Variants in CADPS2 observed in about 807,000 individuals in gnomAD.
CADPS2 encodes the protein calcium dependent secretion activator 2, also known as calcium-dependent secretion activator 2.
A neutral mutation model predicts 172.5 loss-of-function variants in CADPS2; 93 were observed. That is an observed-to-expected ratio of 0.54 (90% CI 0.46 to 0.64). CADPS2 has a LOEUF of 0.64. CADPS2 is among the 30% of genes least tolerant of loss of function. The pLI, the probability that CADPS2 is intolerant of heterozygous loss-of-function variation, is 0.00. For synonymous variants in CADPS2, 546 were observed against 555.2 expected, an observed-to-expected ratio of 0.98 and a Z score of 0.23; for missense variants, 1,420 against 1,565.9, an observed-to-expected ratio of 0.91 and a Z score of 1.57.
chr7:122,320,113 T>A lies in CADPS2; in HGVS notation c.*52A>T, dbSNP rs2032082670. 4 of 1,408,066 alleles carry A rather than the reference T, an allele frequency of 2.8e-6. No homozygotes were observed. Among genetic ancestry groups the A allele is most frequent in the East Asian group, 2.6e-5 (1 of 38,830 alleles). 87.2% of individuals were successfully genotyped at this position (1,408,066 alleles called of 1,614,324 possible). On this transcript the variant is annotated 3_prime_UTR_variant, in exon 30 of 30. Coordinates refer to ENST00000449022, the MANE Select transcript of CADPS2 (RefSeq NM_017954.11). ...AATTACAAGGACAAGGTTAAAAAAA[T>A]AAAAAACAATGTCGATCAAGGTCTT... is the stretch of plus-strand genomic sequence containing the variant.
intron 5 of CADPS2, 67 bp downstream of exon 5, chr7:122,621,414 G>A: frequency 9.6e-7 from 1 of 1,038,844 alleles, no homozygotes. Flanking sequence ...TACTGCAAAG[G>A]TCAACAGAAA....
In CADPS2 at chr7:122,469,352, CCTT is replaced by C. The variant is rs1443440969; in HGVS notation, c.2186+2020_2186+2022del. Among the ~76,000 whole-genome samples, 7 of 152,228 alleles carry C rather than the reference CCTT, an allele frequency of 4.6e-5. No homozygotes were observed. In the East Asian group the frequency reaches 1.4e-3, roughly 29 times the overall value. ...TTTGGGTTTGTTTGTTTCACTGAAA[CCTT>C]CTCATCCTCTTGCATTTTAGAGGTC... On this transcript the variant is annotated intron_variant, in intron 14 of 29. Transcript: ENST00000449022.
At chr7:122,736,672 A>G (rs950099266) in intron 2 of CADPS2, among the ~76,000 whole-genome samples, 1 of 152,226 alleles carries the variant, frequency 6.6e-6, no homozygotes, top group African/African-American at 2.4e-5. Flanking sequence ...ACCTAAAGAT[A>G]GCTATAGTCA....
intron 1 of CADPS2, among the ~76,000 whole-genome samples, chr7:122,857,604 C>A (rs1404827014): frequency 6.6e-6 from 1 of 152,116 alleles, no homozygotes; most frequent in Non-Finnish European, 1.5e-5. Context: ...ATTATGAGGT[C>A]CTGACATTTT....
At chr7:122,595,247 G>C (rs1185747716) in intron 6 of CADPS2, among the ~76,000 whole-genome samples, 2 of 151,848 alleles carry the variant, frequency 1.3e-5, no homozygotes, top group Non-Finnish European at 1.5e-5. Flanking sequence ...AAAATATAGG[G>C]TTGCAAACTA....
At chr7:122,419,531 A>G (rs569315347) in intron 17 of CADPS2, among the ~76,000 whole-genome samples, 48 of 152,272 alleles carry the variant, frequency 3.2e-4, no homozygotes, top group Non-Finnish European at 5.6e-4. Context: ...TGAACCCCTT[A>G]AATTATGTAC....
chr7:122,422,464 T>C lies in CADPS2; in HGVS notation c.2477-6300A>G, dbSNP rs564585776. On this transcript the variant is annotated intron_variant, in intron 17 of 29. Coordinates refer to ENST00000449022, the MANE Select transcript of CADPS2 (RefSeq NM_017954.11). ...TGGAATGGATCCTTCCTTTTCCCTC[T>C]CCCCACTAAAGGAGATAGTGATTGA... Among the ~76,000 whole-genome samples the C allele has an allele frequency of 2.6e-5, 4 of 152,202 alleles. No individual in the cohort carries two copies. In the East Asian group the frequency reaches 5.8e-4, roughly 22 times the overall value.
At chr7:122,775,324 ATGTTAC>A (rs1453690778) in intron 1 of CADPS2, among the ~76,000 whole-genome samples, 1 of 152,216 alleles carries the variant, frequency 6.6e-6, no homozygotes, top group African/African-American at 2.4e-5. Flanking sequence ...GAGATAAAGG[ATGTTAC>A]TGTTCACAAC....
At chr7:122,328,288 C>A (rs1245781138) in intron 28 of CADPS2, among the ~76,000 whole-genome samples, 4 of 152,080 alleles carry the variant, frequency 2.6e-5, no homozygotes, top group Non-Finnish European at 5.9e-5. Flanking sequence ...CATTTTCTCA[C>A]ACTGAGAAAA....
At chr7:122,850,265 G>A (rs1452035578) in intron 1 of CADPS2, 9 of 832,822 alleles carry the variant, frequency 1.1e-5, no homozygotes, top group South Asian at 3.3e-5. Flanking sequence ...TCCACTGGGG[G>A]CCCCAGGACT....
intron 1 of CADPS2, among the ~76,000 whole-genome samples, chr7:122,759,420 T>G (rs144869009): frequency 1.3e-5 from 2 of 152,158 alleles, no homozygotes; most frequent in African/African-American, 2.4e-5. Context: ...TTGAATAAAG[T>G]TATGTTTCTT....
At chr7:122,725,031 A>T (rs992809032) in intron 2 of CADPS2, among the ~76,000 whole-genome samples, 1 of 152,100 alleles carries the variant, frequency 6.6e-6, no homozygotes, top group Non-Finnish European at 1.5e-5. Flanking sequence ...TTAAAAAGGG[A>T]TTTAAGAGTA....
chr7:122,806,400 A>G (rs1198099302), intron 1 of CADPS2, among the ~76,000 whole-genome samples: 1 of 152,196 alleles, frequency 6.6e-6, no homozygotes, highest in Non-Finnish European at 1.5e-5. Context: ...TGTGATTGGG[A>G]AATAAGGGCC....
At chr7:122,472,320 AATGAGAAAAAG>A (rs2056080763) in intron 13 of CADPS2, among the ~76,000 whole-genome samples, 1 of 152,134 alleles carries the variant, frequency 6.6e-6, no homozygotes, top group South Asian at 2.1e-4. Flanking sequence ...AATAAAGAAT[AATGAGAAAAAG>A]GTGAGAAGGC....
intron 1 of CADPS2, among the ~76,000 whole-genome samples, chr7:122,742,227 C>A (rs1315724812): frequency 6.6e-6 from 1 of 150,988 alleles, no homozygotes; most frequent in Non-Finnish European, 1.5e-5. Flanking sequence ...CCCGTCTCTA[C>A]TAAAAAAAAA....
intron 20 of CADPS2, among the ~76,000 whole-genome samples, chr7:122,399,036 C>A (rs912745223): frequency 6.6e-6 from 1 of 151,630 alleles, no homozygotes; most frequent in Non-Finnish European, 1.5e-5. Flanking sequence ...GTATAATAAC[C>A]CCTAAAACCA....
At chr7:122,493,615 AGGCAATCT>A (rs1251765353) in intron 9 of CADPS2, among the ~76,000 whole-genome samples, 1 of 152,182 alleles carries the variant, frequency 6.6e-6, no homozygotes, top group Non-Finnish European at 1.5e-5. Flanking sequence ...ACTTTCTGGA[AGGCAATCT>A]GGCAACAGGT....
intron 1 of CADPS2, among the ~76,000 whole-genome samples, chr7:122,802,413 G>A (rs945089097): frequency 3.9e-5 from 6 of 152,060 alleles, no homozygotes; most frequent in African/African-American, 9.7e-5. Context: ...TCCACTCTTC[G>A]GTAATCGCTG....
chr7:122,334,587 T>TG (rs2035552044), intron 28 of CADPS2, among the ~76,000 whole-genome samples: 1 of 152,230 alleles, frequency 6.6e-6, no homozygotes, highest in African/African-American at 2.4e-5. Context: ...AGCAAGAGTG[T>TG]GCTCTTATCT....
Sources: gnomAD v4.1 joint callset for allele counts (sites outside exome capture counted in the v4.1 genomes callset) on GRCh38, gnomAD v4.1.1 for gene constraint, MANE v1.5 for transcripts, NCBI Gene and HGNC (gene_info 2026-07-23, HGNC 2026-07-21) for gene names.